The following EGFLAM variants were observed in gnomAD, a reference collection of about 807,000 sequenced individuals.
EGFLAM encodes the protein pikachurin.
In EGFLAM, 79 loss-of-function variants were observed where a neutral mutation model predicts 113.1. The observed-to-expected ratio is 0.70, with a 90% CI of 0.58 to 0.84. The LOEUF is 0.84. Among genes scored for constraint, EGFLAM ranks in the 40% least tolerant of loss-of-function variants. EGFLAM has a pLI of 0.00. For synonymous variants in EGFLAM, 504 were observed against 487.6 expected (o/e 1.03, Z -0.44); for missense variants, 1,265 against 1,291.6 (o/e 0.98, Z 0.32).
chr5:38,460,042 C>T (rs1743220590), intron 20 of EGFLAM, among the ~76,000 whole-genome samples: 1 of 152,234 alleles, frequency 6.6e-6, no homozygotes, highest in African/African-American at 2.4e-5. Flanking sequence ...ATACTCCAAA[C>T]TCTATGGCTT....
intron 3 of EGFLAM, among the ~76,000 whole-genome samples, chr5:38,345,163 C>T (rs1415788793): frequency 6.6e-6 from 1 of 152,186 alleles, no homozygotes. Flanking sequence ...GGAAATCAGA[C>T]CAACTGTTGC....
chr5:38,313,246 G>T (rs1738503333), intron 1 of EGFLAM, among the ~76,000 whole-genome samples: 1 of 152,052 alleles, frequency 6.6e-6, no homozygotes, highest in Admixed American at 6.6e-5. Context: ...ACAAAGGGAG[G>T]CTCTACATAA....
Position 38,409,032 on chromosome 5 carries a change from A to G in EGFLAM, c.1277A>G (p.Tyr426Cys), listed in dbSNP as rs1741384594. ...GAGGCAGAGGATGGCTTACTGCTCT[A>G]CTGTGGGGAGAACGAACACGGGAGG... ...RAEAEDGLLLYCGENEHGRGD... is the reference protein window; with the variant it reads ...RAEAEDGLLLCCGENEHGRGD... Residue 426 changes from tyrosine (Y) to cysteine (C), a missense_variant, in exon 10 of 22, where the codon TAC becomes TGC. Transcript: ENST00000322350. The G allele has an allele frequency of 4.4e-6, 7 of 1,594,666 alleles. No individual in the cohort carries two copies. The highest frequency in any genetic ancestry group is 6.0e-6 in the Non-Finnish European group (7 of 1,169,474).
intron 1 of EGFLAM, among the ~76,000 whole-genome samples, chr5:38,297,194 T>G (rs1758469679): frequency 1.3e-5 from 2 of 152,234 alleles, no homozygotes; most frequent in South Asian, 4.1e-4. Context: ...TACCATTGTA[T>G]TATGGTTATG....
chr5:38,312,623 T>C (rs543653469), intron 1 of EGFLAM, among the ~76,000 whole-genome samples: 1 of 152,322 alleles, frequency 6.6e-6, no homozygotes, highest in African/African-American at 2.4e-5. Context: ...ATATCTGGCA[T>C]CTAAAATGTG....
intron 9 of EGFLAM, among the ~76,000 whole-genome samples, chr5:38,408,590 G>A (rs150806589): frequency 1.3e-5 from 2 of 152,152 alleles, no homozygotes; most frequent in South Asian, 4.1e-4. Context: ...CCTGATAGAA[G>A]GAAAGAAGCA....
At chr5:38,391,485 A>G (rs1579859198) in intron 6 of EGFLAM, among the ~76,000 whole-genome samples, 1 of 150,014 alleles carries the variant, frequency 6.7e-6, no homozygotes, top group Admixed American at 6.7e-5. Context: ...GCAACCTCAA[A>G]CCTCCTGGGT....
chr5:38,376,440 C>G (rs2112048943), intron 6 of EGFLAM, among the ~76,000 whole-genome samples: 1 of 152,336 alleles, frequency 6.6e-6, no homozygotes, highest in African/African-American at 2.4e-5. Context: ...ATACTATCCT[C>G]ATGATATGAG....
chr5:38,463,744 C>T, intron 21 of EGFLAM, 88 bp from the exon 22 acceptor site: 2 of 1,529,090 alleles, frequency 1.3e-6, no homozygotes, highest in South Asian at 2.4e-5. Context: ...GGCCAGCAGC[C>T]ATTCAAGTGC....
chr5:38,349,998 C>T (rs940628516), intron 3 of EGFLAM, among the ~76,000 whole-genome samples: 4 of 150,964 alleles, frequency 2.6e-5, no homozygotes, highest in African/African-American at 9.7e-5. Flanking sequence ...GACAGACACA[C>T]AGACATACTT....
intron 1 of EGFLAM, among the ~76,000 whole-genome samples, chr5:38,336,467 C>T (rs896717674): frequency 1.3e-5 from 2 of 151,770 alleles, no homozygotes; most frequent in Non-Finnish European, 2.9e-5. Context: ...CCAGCTACTC[C>T]GGAGGCTGAG....
Position 38,445,579 on chromosome 5 carries a change from A to G in EGFLAM, c.2465-2722A>G. ...TCGGGCAGAGCTTTGTGAGAGAAAC[A>G]AGGCTGGCTTCAAGTGATCTGCAAC... On this transcript the variant is annotated intron_variant, in intron 17 of 21. Coordinates refer to ENST00000322350, the MANE Select transcript of EGFLAM (RefSeq NM_152403.4). 6 of 1,596,730 alleles carry G rather than the reference A, an allele frequency of 3.8e-6. No homozygotes were observed. The South Asian group carries it at 6.6e-5, about 18-fold the overall frequency.
intron 18 of EGFLAM, among the ~76,000 whole-genome samples, chr5:38,450,307 G>A (rs1383242807): frequency 6.6e-6 from 1 of 152,112 alleles, no homozygotes; most frequent in Non-Finnish European, 1.5e-5. Flanking sequence ...TGGCCTGGGG[G>A]GCCTCGCTCT....
chr5:38,272,575 A>T (rs1757790113), intron 1 of EGFLAM, among the ~76,000 whole-genome samples: 2 of 152,238 alleles, frequency 1.3e-5, no homozygotes, highest in African/African-American at 4.8e-5. Context: ...TTGCTTATGA[A>T]GATCAATTCT....
chr5:38,445,018 C>A (rs752394204), intron 17 of EGFLAM, among the ~76,000 whole-genome samples: 48 of 152,338 alleles, frequency 3.2e-4, no homozygotes, highest in Admixed American at 2.0e-4. Context: ...TCAGTGGTCA[C>A]TTCAAGCTCT....
intron 14 of EGFLAM, among the ~76,000 whole-genome samples, chr5:38,428,812 T>A (rs1307390768): frequency 1.3e-5 from 2 of 152,234 alleles, no homozygotes; most frequent in Admixed American, 6.5e-5. Flanking sequence ...AATTTTTTTT[T>A]GTAAATTTAC....
rs908694497 is a variant in EGFLAM at position 38,417,202 on chromosome 5, G to T, written c.1495-864G>T. ...CCTCGTTTCTAAAAATACAAAATTA[G>T]CTAGGCGTGGTGACACATGCCTGTA... is the stretch of plus-strand genomic sequence containing the variant. On this transcript the variant is annotated intron_variant, in intron 11 of 21. Transcript: ENST00000322350. 2.0e-5 allele frequency among the ~76,000 whole-genome samples: 3 copies of T among 152,140 alleles called. No individual in the cohort carries two copies. The East Asian group carries it at 5.8e-4, about 30-fold the overall frequency.
chr5:38,406,587 A>AAT (rs1741290247), intron 7 of EGFLAM, among the ~76,000 whole-genome samples: 1 of 152,244 alleles, frequency 6.6e-6, no homozygotes, highest in African/African-American at 2.4e-5. Flanking sequence ...TTGTAATAAG[A>AAT]ATAAATAATG....
chr5:38,307,041 C>T (rs1233193989), intron 1 of EGFLAM, among the ~76,000 whole-genome samples: 1 of 152,164 alleles, frequency 6.6e-6, no homozygotes, highest in African/African-American at 2.4e-5. Context: ...GGTAAGTCAT[C>T]TTGGAAGTGG....
Sources: allele counts gnomAD v4.1 joint callset (sites outside exome capture counted in the v4.1 genomes callset), GRCh38; gene constraint gnomAD v4.1.1; transcripts MANE v1.5; gene names NCBI Gene and HGNC (gene_info 2026-07-23, HGNC 2026-07-21).